The following SIGIRR variants were observed in gnomAD, a reference collection of about 807,000 sequenced individuals.
SIGIRR encodes the protein single Ig IL-1-related receptor.
Under a neutral mutation model 45.6 loss-of-function variants are expected in SIGIRR, and 41 were observed. The observed-to-expected ratio is 0.90, with a 90% confidence interval of 0.70 to 1.17. The LOEUF (loss-of-function observed/expected upper bound fraction) is 1.17. SIGIRR is among the 50% of genes most tolerant of loss of function. The pLI, the probability that SIGIRR is intolerant of heterozygous loss-of-function variation, is 0.00. For missense variants in SIGIRR, 599 were observed against 539.6 expected (o/e 1.11, Z -1.09); for synonymous variants, 298 against 239.0 (o/e 1.25, Z -2.28).
upstream of SIGIRR, among the ~76,000 whole-genome samples, chr11:415,865 C>G (rs1452953409): frequency 1.3e-5 from 2 of 152,214 alleles, no homozygotes; most frequent in African/African-American, 2.4e-5. This position sits in a 1 kb window ranked among gnomAD's most constrained non-coding sequence, Gnocchi z 6.6. Flanking sequence ...AGACAAGGGT[C>G]TCCTTTGGAC....
At chr11:406,094 ACCCACAG>A (rs1847282108) in intron 9 of SIGIRR, 35 bp from the exon 10 acceptor site, 3 of 1,546,976 alleles carry the variant, frequency 1.9e-6, no homozygotes, top group African/African-American at 2.7e-5. Context: ...TGAGGTGGCC[ACCCACAG>A]CCTTGGCCCA....
At chr11:406,657 G>A (rs1847320518) in intron 8 of SIGIRR, 119 bp from the exon 9 acceptor site, 1 of 1,423,550 alleles carries the variant, frequency 7.0e-7, no homozygotes, top group Non-Finnish European at 9.2e-7. Flanking sequence ...CAGCTATTCC[G>A]TGGCTCCGGG....
intron 2 of SIGIRR, 124 bp downstream of exon 2, chr11:409,741 TTTG>T: frequency 8.9e-7 from 1 of 1,121,912 alleles, no homozygotes; most frequent in Non-Finnish European, 1.2e-6. Flanking sequence ...AGCAGGGGCC[TTTG>T]TACCCCCGGC....
intron 1 of SIGIRR, among the ~76,000 whole-genome samples, chr11:410,780 CGGG>C (rs551403576): frequency 1.2e-4 from 2 of 16,390 alleles, no homozygotes; most frequent in Non-Finnish European, 2.1e-4. Flanking sequence ...TGGATACAGT[CGGG>C]GGGGGGTGCC....
upstream of SIGIRR, among the ~76,000 whole-genome samples, chr11:417,127 C>T (rs1430684248): frequency 6.6e-6 from 1 of 152,144 alleles, no homozygotes; most frequent in Non-Finnish European, 1.5e-5. The surrounding 1 kb of genome is among the most constrained non-coding windows in gnomAD (Gnocchi z 4.2). Context: ...TCCCTTCCCC[C>T]AGCCCTGGAA....
upstream of SIGIRR, among the ~76,000 whole-genome samples, chr11:415,638 A>C (rs906466988): frequency 6.6e-6 from 1 of 152,166 alleles, no homozygotes; most frequent in African/African-American, 2.4e-5. The surrounding 1 kb of genome is among the most constrained non-coding windows in gnomAD (Gnocchi z 6.6). Flanking sequence ...GTGAGCAGTT[A>C]CAAGGGACTA....
At chr11:409,829 A>G in intron 2 of SIGIRR, 39 bp downstream of exon 2, 1 of 1,365,402 alleles carries the variant, frequency 7.3e-7, no homozygotes, top group Non-Finnish European at 9.5e-7. Flanking sequence ...AGGAGGTGGG[A>G]GTGGGGAATT....
At chr11:406,101 G>T in intron 9 of SIGIRR, 42 bp from the exon 10 acceptor site, 1 of 1,545,104 alleles carries the variant, frequency 6.5e-7, no homozygotes. Context: ...GCCACCCACA[G>T]CCTTGGCCCA....
At chr11:407,661 G>A in intron 5 of SIGIRR, 93 bp from the exon 6 acceptor site, 1 of 1,560,440 alleles carries the variant, frequency 6.4e-7, no homozygotes, top group Non-Finnish European at 8.7e-7. Context: ...CACGTGCACA[G>A]GGGCAGACCC....
intron 1 of SIGIRR, among the ~76,000 whole-genome samples, chr11:414,407 C>T (rs937491884): frequency 2.7e-5 from 4 of 149,970 alleles, no homozygotes; most frequent in Non-Finnish European, 4.4e-5. Flanking sequence ...TCTCCTCTGC[C>T]CCTCCTCCCC....
In SIGIRR at chr11:407,095, A is replaced by G. The variant is rs1346568366; in HGVS notation, c.695T>C (p.Phe232Ser). The change falls in exon 7 of 10, where the codon TTC becomes TCC. Residue 232 changes from phenylalanine to serine, a missense_variant. Physicochemically the swap from Phe to Ser is radical, Grantham distance 155 (BLOSUM62 -2). Transcript: ENST00000431843. ...RRLIVVLSDA[F>S]LSRAWCSHSF... The stretch of plus-strand genomic sequence containing the variant: ...GTGGCTGCACCAGGCCCGGCTCAGG[A>G]AGGCGTCCGAAAGCACCACGATGAG... 2 of 1,549,876 alleles carry G rather than the reference A, an allele frequency of 1.3e-6. No homozygotes were observed. The highest frequency in any genetic ancestry group is 2.5e-5 in the East Asian group (1 of 40,002).
chr11:415,367 C>T (rs1414148576), upstream of SIGIRR, among the ~76,000 whole-genome samples: 1 of 150,498 alleles, frequency 6.6e-6, no homozygotes, highest in African/African-American at 2.5e-5. The surrounding 1 kb of genome is among the most constrained non-coding windows in gnomAD (Gnocchi z 6.6). Context: ...AGGGGTAATG[C>T]ATGGGGGGTC....
Position 406,833 on chromosome 11 carries a change from T to TG in SIGIRR, c.879+9dup, listed in dbSNP as rs777826305. 8 of 1,536,376 alleles carry TG rather than the reference T, an allele frequency of 5.2e-6. No homozygotes were observed. The African/African-American group carries it at 1.1e-4, about 21-fold the overall frequency. ...CGCTAGCCCCGGACCCTCCCGCGCC[T>TG]GCTCCGCACCACGGAGCCGGGCCTC... is the stretch of plus-strand genomic sequence containing the variant. On this transcript the variant is annotated intron_variant, in intron 8 of 9. Transcript: ENST00000431843.
At position 405,793 on chromosome 11, in the gene SIGIRR, G is replaced by T; in HGVS notation, c.*103C>A. 7.9e-6 allele frequency: 11 copies of T among 1,400,916 alleles called. No individual in the cohort carries two copies. Among genetic ancestry groups the T allele is most frequent in the Non-Finnish European group, 1.1e-5 (11 of 1,044,392 alleles). 86.8% of individuals were successfully genotyped at this position (1,400,916 alleles called of 1,614,324 possible). A position where few individuals can be genotyped will look rare whatever the true frequency, so the allele number is the denominator to read the frequency against. ...AGCCTTTTCCCAGGGCTGCTGGCAG[G>T]GTCCCAGGGCTGCTGGCAGGGGTTG... is the stretch of plus-strand genomic sequence containing the variant. On this transcript the variant is annotated 3_prime_UTR_variant, in exon 10 of 10. Coordinates refer to ENST00000431843, the MANE Select transcript of SIGIRR (RefSeq NM_001135054.2).
At chr11:414,441 C>T (rs1322215916) in intron 1 of SIGIRR, among the ~76,000 whole-genome samples, 3 of 151,792 alleles carry the variant, frequency 2.0e-5, no homozygotes, top group South Asian at 2.1e-4. Flanking sequence ...TACACACAGC[C>T]CTCTGGCCCA....
At chr11:416,065 C>T (rs1029752224), upstream of SIGIRR, among the ~76,000 whole-genome samples, 2 of 152,184 alleles carry the variant, frequency 1.3e-5, no homozygotes, top group African/African-American at 4.8e-5. The surrounding 1 kb of genome is among the most constrained non-coding windows in gnomAD (Gnocchi z 9.1). Context: ...GCCTTGGGCT[C>T]AGGGTCCCAA....
At position 407,454 on chromosome 11, in the gene SIGIRR, AG is replaced by A; in HGVS notation, c.595del (p.Leu199TrpfsTer18). On this transcript the variant is annotated frameshift_variant, in exon 6 of 10. Coordinates refer to ENST00000431843, the MANE Select transcript of SIGIRR (RefSeq NM_001135054.2). LOFTEE classifies it high-confidence loss of function. ...LERRRGYKLF[L>X]DDRDLLPRAE... is the part of the protein sequence containing the mutation. ...GCGCGGCAGGAGGTCGCGGTCGTCC[AG>A]GAAGAGCTTGTAGCCCCGACGCCGC... 6.4e-7 allele frequency: 1 copy of A among 1,560,026 alleles called. No individual in the cohort carries two copies. The highest frequency in any genetic ancestry group is 1.2e-5 in the South Asian group (1 of 85,268).
intron 1 of SIGIRR, among the ~76,000 whole-genome samples, chr11:411,434 A>G (rs1366417050): frequency 6.8e-4 from 2 of 2,956 alleles, no homozygotes; most frequent in African/African-American, 5.7e-3. Flanking sequence ...ACAGTCGGGG[A>G]GGGGGGTGCC....
chr11:406,706 G>C, intron 8 of SIGIRR, 137 bp downstream of exon 8: 8 of 1,413,686 alleles, frequency 5.7e-6, no homozygotes, highest in Non-Finnish European at 6.5e-6. Flanking sequence ...GCCCCAGGCA[G>C]CGGAACCTCC....
Sources: gnomAD v4.1 joint callset for allele counts (sites outside exome capture counted in the v4.1 genomes callset) on GRCh38, gnomAD v4.1.1 for gene constraint, Gnocchi (gnomAD v3.1) non-coding constraint, MANE v1.5 for transcripts, NCBI Gene and HGNC (gene_info 2026-07-23, HGNC 2026-07-21) for gene names.